The following NCAM1 variants were observed in gnomAD, a reference collection of about 807,000 sequenced individuals.
The protein encoded by NCAM1 is neural cell adhesion molecule 1.
A neutral mutation model predicts 109.8 loss-of-function variants in NCAM1; 14 were observed. That is an observed-to-expected ratio of 0.13 (90% confidence interval 0.08 to 0.20). The LOEUF (loss-of-function observed/expected upper bound fraction) is 0.20. Among genes scored for constraint, NCAM1 ranks in the 10% least tolerant of loss-of-function variants. The probability of loss-of-function intolerance (pLI) is 1.00; values close to 1 mark genes in which losing one functional copy is unlikely to be tolerated. For synonymous variants in NCAM1, 418 were observed against 442.9 expected (o/e 0.94, Z 0.70); for missense variants, 774 against 1,109.9 (o/e 0.70, Z 4.30).
At chr11:113,119,373 A>G (rs761189335) in intron 1 of NCAM1, among the ~76,000 whole-genome samples, 4 of 152,174 alleles carry the variant, frequency 2.6e-5, no homozygotes, top group Admixed American at 6.5e-5. Context: ...GGCCAAAGGG[A>G]TAGAGGTTTC....
chr11:113,245,248 G>A (rs930633521), intron 14 of NCAM1, among the ~76,000 whole-genome samples: 2 of 152,050 alleles, frequency 1.3e-5, no homozygotes, highest in Non-Finnish European at 2.9e-5. Flanking sequence ...TGAGCCCAGC[G>A]GGGCCAACAG....
At chr11:113,227,836 A>G (rs1395142973) in intron 9 of NCAM1, among the ~76,000 whole-genome samples, 1 of 152,262 alleles carries the variant, frequency 6.6e-6, no homozygotes, top group South Asian at 2.1e-4. Context: ...CAAAAACCAC[A>G]TGATTATCTC....
At chr11:113,081,272 G>C (rs1938801526) in intron 1 of NCAM1, among the ~76,000 whole-genome samples, 1 of 152,096 alleles carries the variant, frequency 6.6e-6, no homozygotes, top group Non-Finnish European at 1.5e-5. Context: ...CGGGGGTCCC[G>C]TGAGGTAAAG....
chr11:113,084,991 C>G (rs1555087971), intron 1 of NCAM1, among the ~76,000 whole-genome samples: 1 of 152,208 alleles, frequency 6.6e-6, no homozygotes, highest in Non-Finnish European at 1.5e-5. Flanking sequence ...CCGATGGTGT[C>G]TGTACAATAA....
intron 1 of NCAM1, among the ~76,000 whole-genome samples, chr11:113,050,917 A>G (rs1555081714): frequency 6.6e-6 from 1 of 152,264 alleles, no homozygotes. Flanking sequence ...ACAAAATATT[A>G]CTAACCCATC....
rs531976925 is a variant in NCAM1, at chr11:113,204,481, C to G, written c.323C>G (p.Ala108Gly). The change falls in exon 3 of 20, where the codon GCC (alanine) becomes GGC (glycine). Residue 108 changes from alanine (A) to glycine (G), a missense_variant. By Grantham distance (60) the Ala-to-Gly change is moderately conservative. Transcript: ENST00000316851. ...VTGEDGSESE[A>G]TVNVKIFQKL... ...GGCGAGGATGGCAGTGAGTCAGAGG[C>G]CACCGTCAACGTGAAGATCTTTCGT... The G allele has an allele frequency of 8.1e-6, 13 of 1,613,954 alleles. No individual in the cohort carries two copies. In the South Asian group the frequency reaches 1.3e-4, roughly 16 times the overall value.
At position 113,214,555 on chromosome 11, in the gene NCAM1, C is replaced by G. The variant is rs371744296; in HGVS notation, c.1059+44C>G. On this transcript the variant is annotated intron_variant, in intron 8 of 19. Coordinates refer to ENST00000316851, the MANE Select transcript of NCAM1 (RefSeq NM_181351.5). ...GTTTCAGGGCCTTGGAATGCAGACT[C>G]AAAGCAGATTGAGTCTGCTCATGCC... is the stretch of plus-strand genomic sequence containing the variant. 4.2e-4 allele frequency: 659 copies of G among 1,559,608 alleles called. 1 individual carries two copies. The highest frequency in any genetic ancestry group is 6.2e-4 in the Admixed American group (32 of 51,834).
intron 7 of NCAM1, 86 bp from the exon 8 acceptor site, chr11:113,214,283 A>G: frequency 7.0e-7 from 1 of 1,434,714 alleles, no homozygotes; most frequent in Admixed American, 2.0e-5. Flanking sequence ...CAGACAGCTA[A>G]CCTTTGTTGG....
intron 8 of NCAM1, 28 bp downstream of exon 8, chr11:113,214,539 C>T: frequency 6.3e-7 from 1 of 1,577,296 alleles, no homozygotes; most frequent in Non-Finnish European, 8.6e-7. Flanking sequence ...AGTTTCAGGG[C>T]CTTGGAATGC....
chr11:113,207,689 C>T (rs1944276795), intron 6 of NCAM1, 144 bp from the exon 7 acceptor site: 3 of 839,108 alleles, frequency 3.6e-6, no homozygotes, highest in Non-Finnish European at 5.6e-6. Context: ...TGTATGTGGA[C>T]GTTCAACTTG....
chr11:113,059,034 G>A (rs1028342429), intron 1 of NCAM1, among the ~76,000 whole-genome samples: 1 of 152,308 alleles, frequency 6.6e-6, no homozygotes, highest in South Asian at 2.1e-4. Context: ...GCTTGAAAAA[G>A]TAACTAGGAG....
Position 113,111,988 on chromosome 11 carries a change from A to G in NCAM1, c.53-90391A>G, listed in dbSNP as rs1371226423. On this transcript the variant is annotated intron_variant, in intron 1 of 19. Transcript: ENST00000316851. ...GCACATGTTTACTATGCGAAAAAGA[A>G]AATCTTTCTCCCAGAACATGGTTGC... is the stretch of plus-strand genomic sequence containing the variant. Among the ~76,000 whole-genome samples the G allele has an allele frequency of 2.0e-5, 3 of 152,220 alleles. No homozygotes were observed. The East Asian group carries it at 5.8e-4, about 29-fold the overall frequency.
chr11:113,009,837 A>T (rs1459482308), intron 1 of NCAM1, among the ~76,000 whole-genome samples: 1 of 152,152 alleles, frequency 6.6e-6, no homozygotes, highest in Non-Finnish European at 1.5e-5. Context: ...AGCAATGCTT[A>T]TGTTTTTGTG....
At chr11:113,173,585 T>TATATATATATATA (rs1272373735) in intron 1 of NCAM1, among the ~76,000 whole-genome samples, 19 of 71,342 alleles carry the variant, frequency 2.7e-4, no homozygotes, top group Non-Finnish European at 4.1e-4. Flanking sequence ...TATTAGCATG[T>TATATATATATATA]TACCTGATAT....
chr11:113,139,508 A>G (rs1941733852), intron 1 of NCAM1, among the ~76,000 whole-genome samples: 1 of 152,204 alleles, frequency 6.6e-6, no homozygotes, highest in African/African-American at 2.4e-5. Context: ...TGCAGGAAAC[A>G]TCAAATATTG....
chr11:113,086,143 G>A (rs1392390299), intron 1 of NCAM1, among the ~76,000 whole-genome samples: 3 of 152,212 alleles, frequency 2.0e-5, no homozygotes, highest in Non-Finnish European at 4.4e-5. Context: ...AATCTGTTCT[G>A]TTGGTGGTGA....
At chr11:113,203,261 G>A (rs576959042) in intron 2 of NCAM1, among the ~76,000 whole-genome samples, 4 of 152,324 alleles carry the variant, frequency 2.6e-5, no homozygotes, top group Admixed American at 2.0e-4. Context: ...TGGACGAGGT[G>A]GCTTGTGGCC....
chr11:113,155,298 A>C (rs1377649116), intron 1 of NCAM1, among the ~76,000 whole-genome samples: 1 of 152,104 alleles, frequency 6.6e-6, no homozygotes. Context: ...CGGGTGGATC[A>C]CTTGAGGTCA....
rs782413774 is a variant in NCAM1 at position 112,961,424 on chromosome 11, A to C, written c.-189A>C. 1.3e-6 allele frequency: 1 copy of C among 760,824 alleles called. No individual in the cohort carries two copies. The highest frequency in any genetic ancestry group is 2.4e-6 in the Non-Finnish European group (1 of 410,448). The allele number at this position is 760,824 out of a possible 1,614,324, so 47.1% of individuals were successfully genotyped here. ...TGTGCTGAGGCTGGGACTGTCACTC[A>C]TTCTCCGATCAGCGCGTGAACGCAG... On this transcript the variant is annotated 5_prime_UTR_variant, in exon 1 of 20. Coordinates refer to ENST00000316851, the MANE Select transcript of NCAM1 (RefSeq NM_181351.5).
Sources: allele counts gnomAD v4.1 joint callset (sites outside exome capture counted in the v4.1 genomes callset), GRCh38; gene constraint gnomAD v4.1.1; transcripts MANE v1.5; gene names NCBI Gene and HGNC (gene_info 2026-07-23, HGNC 2026-07-21).